FAR2: variants seen among roughly 807,000 people sequenced by gnomAD.
FAR2 encodes fatty acyl-CoA reductase 2, also known as epididymis secretory protein Li 81.
In FAR2, 19 loss-of-function variants were observed where a neutral mutation model predicts 56.0. That is an observed-to-expected ratio of 0.34 (90% CI 0.24 to 0.50). FAR2 has a LOEUF of 0.50. Ranked by LOEUF, FAR2 falls within the 20% of genes least tolerant of loss-of-function variation. The pLI is 0.98. For missense variants in FAR2, 508 were observed against 642.2 expected, an observed-to-expected ratio of 0.79 and a Z score of 2.26; for synonymous variants, 219 against 218.8, an observed-to-expected ratio of 1.00 and a Z score of -0.01.
intron 1 of FAR2, among the ~76,000 whole-genome samples, chr12:29,251,422 G>A (rs186147099): frequency 6.6e-6 from 1 of 152,244 alleles, no homozygotes; most frequent in East Asian, 1.9e-4. Flanking sequence ...AGGGATAACT[G>A]GAGACTGGTC....
At chr12:29,153,406 A>T (rs896659271) in intron 1 of FAR2, among the ~76,000 whole-genome samples, 12 of 152,240 alleles carry the variant, frequency 7.9e-5, no homozygotes, top group Non-Finnish European at 1.6e-4. Flanking sequence ...AGGTCTTAAG[A>T]GAAAACGCTT....
At chr12:29,167,929 T>C (rs1949845370) in intron 1 of FAR2, among the ~76,000 whole-genome samples, 1 of 152,168 alleles carries the variant, frequency 6.6e-6, no homozygotes, top group East Asian at 1.9e-4. Flanking sequence ...GTGATGGGAA[T>C]TGTGGGAAAA....
chr12:29,297,003 C>T lies in FAR2; in HGVS notation c.366-18C>T. On this transcript the variant is annotated intron_variant, in intron 3 of 11. Transcript: ENST00000536681. ...CTGACTTACTTCATTGTATTTCCTT[C>T]TGCTTAATCTTCTCTAGACATGCTG... 1 of 1,571,848 alleles carries T rather than the reference C, an allele frequency of 6.4e-7. No homozygotes were observed. The highest frequency in any genetic ancestry group is 8.6e-7 in the Non-Finnish European group (1 of 1,161,490).
intron 1 of FAR2, among the ~76,000 whole-genome samples, chr12:29,225,206 A>C (rs138300130): frequency 3.9e-5 from 6 of 152,316 alleles, no homozygotes; most frequent in African/African-American, 1.4e-4. Flanking sequence ...ACTGTACTCC[A>C]ATCTGGGTGG....
chr12:29,267,695 G>A (rs1215164966), intron 1 of FAR2, among the ~76,000 whole-genome samples: 1 of 152,148 alleles, frequency 6.6e-6, no homozygotes, highest in Non-Finnish European at 1.5e-5. Flanking sequence ...ACAAAAACAA[G>A]ATCCAAAAGT....
At chr12:29,259,110 T>C (rs531589177) in intron 1 of FAR2, among the ~76,000 whole-genome samples, 110 of 152,318 alleles carry the variant, frequency 7.2e-4, no homozygotes, top group Middle Eastern at 6.8e-3. Context: ...TGTGCTGGTA[T>C]GAAATGAAAA....
In FAR2 at chr12:29,334,449, T is replaced by C. The variant is rs924810891; in HGVS notation, c.*655T>C. 1.3e-5 allele frequency: 2 copies of C among 152,190 alleles called. No homozygotes were observed. The allele number at this position is 152,190 out of a possible 1,614,324, so 9.4% of individuals were successfully genotyped here. On this transcript the variant is annotated 3_prime_UTR_variant, in exon 12 of 12. Coordinates refer to ENST00000536681, the MANE Select transcript of FAR2 (RefSeq NM_001271783.2). ...TATGTATAGAGTGAGGGATTAAGCA[T>C]ATTTGCATTGGGGACTCGTGTATTA...
At chr12:29,259,487 AT>A (rs1304014383) in intron 1 of FAR2, among the ~76,000 whole-genome samples, 1 of 152,148 alleles carries the variant, frequency 6.6e-6, no homozygotes, top group East Asian at 1.9e-4. Context: ...TTGAATCTTA[AT>A]TTTTTTATTT....
chr12:29,333,921 C>T lies in FAR2; in HGVS notation c.*127C>T, dbSNP rs145922475. 371 of 803,444 alleles carry T rather than the reference C, an allele frequency of 4.6e-4. 2 individuals carry two copies. The African/African-American group carries it at 6.1e-3, about 13-fold the overall frequency. 49.8% of individuals were successfully genotyped at this position (803,444 alleles called of 1,614,324 possible). A position where few individuals can be genotyped will look rare whatever the true frequency, so the allele number is the denominator to read the frequency against. On this transcript the variant is annotated 3_prime_UTR_variant, in exon 12 of 12. Transcript: ENST00000536681. Reference sequence around the variant, plus strand: ...TGTCAAATGTCACCTGTTATGTATTCGTCCCTATTCCTTAACTATGTATTT... The same window carrying T: ...TGTCAAATGTCACCTGTTATGTATTTGTCCCTATTCCTTAACTATGTATTT...
Position 29,316,895 on chromosome 12 carries a change from G to C in FAR2, c.1010G>C (p.Arg337Thr), listed in dbSNP as rs999824205. 2.5e-6 allele frequency: 4 copies of C among 1,614,008 alleles called. No individual in the cohort carries two copies. In the African/African-American group the frequency reaches 5.3e-5, roughly 22 times the overall value. ...EKIPFERPFR[R>T]PNANFTSNSF... is the part of the protein sequence containing the mutation. ...ATCCCATTTGAGAGACCTTTCAGGA[G>C]GCCAAATGCTAATTTTACCAGCAAC... The change falls in exon 9 of 12, where the codon AGG (arginine) becomes ACG (threonine). Residue 337 changes from arginine to threonine, a missense_variant. Transcript: ENST00000536681.
At chr12:29,225,533 TA>T (rs1023958843) in intron 1 of FAR2, among the ~76,000 whole-genome samples, 5 of 152,210 alleles carry the variant, frequency 3.3e-5, no homozygotes, top group Non-Finnish European at 5.9e-5. Context: ...AAAATTCGCA[TA>T]TTTTTTTCCA....
At chr12:29,319,133 G>A (rs966003286) in intron 9 of FAR2, among the ~76,000 whole-genome samples, 1 of 151,908 alleles carries the variant, frequency 6.6e-6, no homozygotes, top group Non-Finnish European at 1.5e-5. Flanking sequence ...TGGGATTACA[G>A]GCGCCCGCCA....
intron 2 of FAR2, among the ~76,000 whole-genome samples, chr12:29,276,884 T>C (rs1245239076): frequency 6.6e-6 from 1 of 151,200 alleles, no homozygotes. Flanking sequence ...ATTATATATA[T>C]ATATGTGTGT....
intron 1 of FAR2, among the ~76,000 whole-genome samples, chr12:29,153,749 G>C (rs1332869148): frequency 6.6e-6 from 1 of 152,144 alleles, no homozygotes; most frequent in Non-Finnish European, 1.5e-5. Flanking sequence ...GCACAGACTT[G>C]AGGTGTGTTT....
intron 1 of FAR2, among the ~76,000 whole-genome samples, chr12:29,167,209 T>A (rs1217441609): frequency 1.3e-5 from 2 of 152,216 alleles, no homozygotes; most frequent in African/African-American, 4.8e-5. Flanking sequence ...TCTGGTGTGT[T>A]TTCTATTCTA....
rs1337106866 is a variant in FAR2, at chr12:29,214,699, T to C, written c.-38-55713T>C. 1.4e-4 allele frequency among the ~76,000 whole-genome samples: 21 copies of C among 152,150 alleles called. No individual in the cohort carries two copies. The East Asian group carries it at 3.9e-3, about 28-fold the overall frequency. On this transcript the variant is annotated intron_variant, in intron 1 of 11. Transcript: ENST00000536681. ...AGCTAGGCGTGGGGGTGGGTGCCTG[T>C]AATCCCAGCTACTCAGGAGGCTGAG...
chr12:29,320,657 TA>T lies in FAR2; in HGVS notation c.1128-1137del, dbSNP rs762167898. On this transcript the variant is annotated intron_variant, in intron 9 of 11. Coordinates refer to ENST00000536681, the MANE Select transcript of FAR2 (RefSeq NM_001271783.2). ...AAAAGTGACTTGTAGCTAAAAGACC[TA>T]GGTTGGGGATTAGCTATGGGACCTT... Among the ~76,000 whole-genome samples the T allele has an allele frequency of 1.3e-4, 20 of 152,274 alleles. No homozygotes were observed. The East Asian group carries it at 1.3e-3, about 10-fold the overall frequency.
chr12:29,283,232 A>G (rs192974641), intron 2 of FAR2, among the ~76,000 whole-genome samples: 18 of 152,306 alleles, frequency 1.2e-4, no homozygotes, highest in African/African-American at 4.1e-4. Flanking sequence ...TTGGTGCAAA[A>G]ACAGATGCAA....
At chr12:29,306,497 A>T (rs1467862333) in intron 4 of FAR2, among the ~76,000 whole-genome samples, 1 of 152,226 alleles carries the variant, frequency 6.6e-6, no homozygotes. Flanking sequence ...GATTTTCTAC[A>T]ATCAAAATAG....
Sources: allele counts gnomAD v4.1 joint callset (sites outside exome capture counted in the v4.1 genomes callset), GRCh38; gene constraint gnomAD v4.1.1; transcripts MANE v1.5; gene names NCBI Gene and HGNC (gene_info 2026-07-23, HGNC 2026-07-21).